The following CFAP54 variants were observed in gnomAD, a reference collection of about 807,000 sequenced individuals.
CFAP54 encodes the protein cilia and flagella associated protein 54, also known as cilia- and flagella-associated protein 54.
A neutral mutation model predicts 370.4 loss-of-function variants in CFAP54; 290 were observed. The ratio of observed to expected loss-of-function variants is 0.78; its 90% CI spans 0.71 to 0.86. The LOEUF (loss-of-function observed/expected upper bound fraction) is 0.86, where lower values mean the gene tolerates loss of function less well. Among genes scored for constraint, CFAP54 ranks in the 40% least tolerant of loss-of-function variants. The pLI, the probability that CFAP54 is intolerant of heterozygous loss-of-function variation, is 0.00. For synonymous variants in CFAP54, 1,206 were observed against 1,236.5 expected, an observed-to-expected ratio of 0.98 and a Z score of 0.52; for missense variants, 3,399 against 3,528.7, an observed-to-expected ratio of 0.96 and a Z score of 0.93.
At position 96,675,306 on chromosome 12, in the gene CFAP54, A is replaced by G. The variant is rs548108305; in HGVS notation, c.5564-4294A>G. ...ATGAACAGACACTTCTCAAAAAAAG[A>G]TATTTATGCAGCCAAAAGACACATG... On this transcript the variant is annotated intron_variant, in intron 39 of 67. Transcript: ENST00000524981. Among the ~76,000 whole-genome samples, 10 of 152,364 alleles carry G rather than the reference A, an allele frequency of 6.6e-5. No homozygotes were observed. The East Asian group carries it at 1.9e-3, about 29-fold the overall frequency.
intron 19 of CFAP54, among the ~76,000 whole-genome samples, chr12:96,567,544 A>G (rs1955875288): frequency 6.6e-6 from 1 of 152,014 alleles, no homozygotes; most frequent in East Asian, 1.9e-4. Context: ...GTTCAGATCC[A>G]TTTTCTCAGC....
chr12:96,861,974 A>G (rs917514148), intron 67 of CFAP54, among the ~76,000 whole-genome samples: 4 of 152,224 alleles, frequency 2.6e-5, no homozygotes, highest in African/African-American at 7.2e-5. Flanking sequence ...AATTGGTTTA[A>G]TGTATCATCC....
intron 66 of CFAP54, among the ~76,000 whole-genome samples, chr12:96,850,682 G>A (rs1959516360): frequency 6.6e-6 from 1 of 150,502 alleles, no homozygotes; most frequent in African/African-American, 2.4e-5. Flanking sequence ...CTGAAACTGG[G>A]TAATTTGTAA....
chr12:96,859,621 G>C (rs1219187961), intron 66 of CFAP54, among the ~76,000 whole-genome samples: 1 of 152,038 alleles, frequency 6.6e-6, no homozygotes, highest in Non-Finnish European at 1.5e-5. Context: ...TGGCCAGGCT[G>C]GTCTTGAACT....
chr12:96,602,165 C>CT (rs36129080), intron 26 of CFAP54, among the ~76,000 whole-genome samples: 120,258 of 152,098 alleles, frequency 0.79, 47,716 homozygotes, highest in East Asian at 0.86. Context: ...TGTCTTTGTT[C>CT]CATTGCTTTC....
At chr12:96,771,682 CA>C (rs976837112) in intron 60 of CFAP54, among the ~76,000 whole-genome samples, 16 of 150,948 alleles carry the variant, frequency 1.1e-4, no homozygotes, top group East Asian at 3.9e-4. Flanking sequence ...CAAAAAACAA[CA>C]AAAAAAAACC....
At chr12:96,617,600 G>C (rs575143529) in intron 26 of CFAP54, among the ~76,000 whole-genome samples, 2 of 152,298 alleles carry the variant, frequency 1.3e-5, no homozygotes, top group East Asian at 3.9e-4. Context: ...GCAATCCAAA[G>C]CACCCTTTTC....
intron 63 of CFAP54, among the ~76,000 whole-genome samples, chr12:96,805,192 A>G (rs939246986): frequency 4.6e-5 from 7 of 152,174 alleles, no homozygotes; most frequent in Non-Finnish European, 1.0e-4. Context: ...CAAAACATTT[A>G]TGACCAAGTC....
chr12:96,821,015 A>AAGGAT (rs1959026351), intron 65 of CFAP54, among the ~76,000 whole-genome samples: 1 of 152,174 alleles, frequency 6.6e-6, no homozygotes, highest in African/African-American at 2.4e-5. Context: ...GAGAATGAGC[A>AAGGAT]TCTGTTAGAG....
At chr12:96,720,597 C>T in intron 50 of CFAP54, 32 bp downstream of exon 50, 1 of 1,365,100 alleles carries the variant, frequency 7.3e-7, no homozygotes, top group African/African-American at 1.5e-5. Flanking sequence ...GGAGGGATAC[C>T]TTTGAAGAGA....
intron 17 of CFAP54, among the ~76,000 whole-genome samples, chr12:96,560,760 A>G (rs1955806045): frequency 6.6e-6 from 1 of 152,182 alleles, no homozygotes; most frequent in Non-Finnish European, 1.5e-5. Flanking sequence ...TCCCCTTTGT[A>G]GTGAAAAAGT....
intron 60 of CFAP54, among the ~76,000 whole-genome samples, chr12:96,776,368 G>T (rs1231663643): frequency 1.3e-5 from 2 of 151,602 alleles, no homozygotes; most frequent in African/African-American, 2.4e-5. Flanking sequence ...AGTTCTATTA[G>T]AAATTAAAGC....
intron 66 of CFAP54, among the ~76,000 whole-genome samples, chr12:96,860,488 GA>G (rs893459934): frequency 6.6e-6 from 1 of 152,194 alleles, no homozygotes; most frequent in Non-Finnish European, 1.5e-5. Context: ...CTCCAAATGA[GA>G]GAGGGAGATT....
chr12:96,797,903 G>A (rs7307920), intron 63 of CFAP54, among the ~76,000 whole-genome samples: 46,447 of 151,560 alleles, frequency 0.31, 7,501 homozygotes, highest in South Asian at 0.54. Context: ...GGATTTTGTT[G>A]TTTTTCCTCT....
chr12:96,804,166 TG>T (rs1440296734), intron 63 of CFAP54, among the ~76,000 whole-genome samples: 1 of 152,090 alleles, frequency 6.6e-6, no homozygotes, highest in Non-Finnish European at 1.5e-5. Context: ...ATGGGTCTTT[TG>T]AAATACTTCT....
chr12:96,522,899 C>T (rs549967929), intron 8 of CFAP54, among the ~76,000 whole-genome samples: 2 of 152,274 alleles, frequency 1.3e-5, no homozygotes, highest in East Asian at 1.9e-4. Flanking sequence ...GTCACACAGC[C>T]CCTCCCAACC....
chr12:96,613,327 C>A (rs1956379129), intron 26 of CFAP54, among the ~76,000 whole-genome samples: 1 of 152,174 alleles, frequency 6.6e-6, no homozygotes, highest in Non-Finnish European at 1.5e-5. Context: ...CCAATGAGAA[C>A]ATAGACACAA....
At chr12:96,771,921 G>A (rs2136679768) in intron 60 of CFAP54, among the ~76,000 whole-genome samples, 1 of 152,240 alleles carries the variant, frequency 6.6e-6, no homozygotes, top group African/African-American at 2.4e-5. Context: ...ACAAATTCTG[G>A]TAACATCTTT....
intron 26 of CFAP54, among the ~76,000 whole-genome samples, chr12:96,605,954 G>T (rs1277183835): frequency 6.6e-6 from 1 of 152,120 alleles, no homozygotes; most frequent in African/African-American, 2.4e-5. Flanking sequence ...AGGTTTGTTG[G>T]GTCCTGAGAC....
Sources: allele counts gnomAD v4.1 joint callset (sites outside exome capture counted in the v4.1 genomes callset), GRCh38; gene constraint gnomAD v4.1.1; transcripts MANE v1.5; gene names NCBI Gene and HGNC (gene_info 2026-07-23, HGNC 2026-07-21).